The following RBFOX1 variants were observed in gnomAD, a reference collection of about 807,000 sequenced individuals.
RBFOX1 encodes the protein RNA binding protein fox-1 homolog 1.
RBFOX1 carries 8 observed loss-of-function variants against 57.7 expected under a neutral mutation model. The ratio of observed to expected loss-of-function variants is 0.14; its 90% CI spans 0.08 to 0.25. RBFOX1 has a LOEUF of 0.25. RBFOX1 is among the 10% of genes least tolerant of loss of function. The probability of loss-of-function intolerance (pLI) is 1.00; values close to 1 mark genes in which losing one functional copy is unlikely to be tolerated. For synonymous variants in RBFOX1, 326 were observed against 222.4 expected (o/e 1.47, Z -4.15); for missense variants, 611 against 548.5 (o/e 1.11, Z -1.14).
chr16:7,514,290 G>A (rs968260988), intron 4 of RBFOX1, among the ~76,000 whole-genome samples: 1 of 152,088 alleles, frequency 6.6e-6, no homozygotes, highest in Non-Finnish European at 1.5e-5. Flanking sequence ...CTCATGAGTC[G>A]TTTGCTAGGT....
intron 4 of RBFOX1, among the ~76,000 whole-genome samples, chr16:7,192,342 TG>T (rs1253958739): frequency 6.6e-6 from 1 of 152,156 alleles, no homozygotes; most frequent in Non-Finnish European, 1.5e-5. Flanking sequence ...CTAAGAGAGT[TG>T]GGGTGAGAAA....
At chr16:5,707,877 G>A (rs896094842) in intron 3 of RBFOX1, among the ~76,000 whole-genome samples, 5 of 152,160 alleles carry the variant, frequency 3.3e-5, no homozygotes, top group Admixed American at 1.3e-4. Flanking sequence ...ACAGACTTGG[G>A]TTCAGTTTCC....
At chr16:6,557,024 TACATATATAC>T (rs1425451045) in intron 2 of RBFOX1, among the ~76,000 whole-genome samples, 28 of 62,882 alleles carry the variant, frequency 4.5e-4, no homozygotes, top group African/African-American at 1.3e-3. Flanking sequence ...TACATATATA[TACATATATAC>T]ACATATATAT....
intron 3 of RBFOX1, among the ~76,000 whole-genome samples, chr16:5,796,846 A>G (rs902229119): frequency 2.0e-5 from 3 of 152,134 alleles, no homozygotes; most frequent in Non-Finnish European, 4.4e-5. Context: ...GTTAACCTCT[A>G]TATGGCCCTC....
intron 4 of RBFOX1, among the ~76,000 whole-genome samples, chr16:5,917,150 G>A (rs1035494912): frequency 6.6e-6 from 1 of 152,040 alleles, no homozygotes; most frequent in Non-Finnish European, 1.5e-5. Flanking sequence ...TTAGACAACC[G>A]CTTCCTAAGC....
intron 4 of RBFOX1, among the ~76,000 whole-genome samples, chr16:7,498,874 G>A (rs747802273): frequency 1.2e-4 from 18 of 152,042 alleles, no homozygotes; most frequent in Non-Finnish European, 2.4e-4. Context: ...ATTGTCATGC[G>A]CCCCAACTTT....
chr16:6,655,239 TGGC>T (rs1214469286), intron 3 of RBFOX1, among the ~76,000 whole-genome samples: 1 of 150,714 alleles, frequency 6.6e-6, no homozygotes, highest in East Asian at 2.0e-4. Context: ...CCGGGTGTGG[TGGC>T]ACATGCCTGT....
At chr16:7,440,576 G>A (rs2098758197) in intron 4 of RBFOX1, among the ~76,000 whole-genome samples, 1 of 152,162 alleles carries the variant, frequency 6.6e-6, no homozygotes, top group Admixed American at 6.5e-5. Context: ...TAGAGATCCT[G>A]TTGTGATTTT....
intron 3 of RBFOX1, among the ~76,000 whole-genome samples, chr16:6,790,896 AT>A (rs919805252): frequency 1.3e-4 from 19 of 151,026 alleles, no homozygotes; most frequent in Non-Finnish European, 2.5e-4. Context: ...TGTGTGGTTT[AT>A]TTTTTCCTGT....
chr16:5,946,695 T>A lies in RBFOX1; in HGVS notation c.351+79360T>A, dbSNP rs938136001. Among the ~76,000 whole-genome samples, 9 of 152,166 alleles carry A rather than the reference T, an allele frequency of 5.9e-5. No homozygotes were observed. Among genetic ancestry groups the A allele is most frequent in the African/African-American group, 2.2e-4 (9 of 41,512 alleles). Reference sequence around the variant, plus strand: ...GAATCTCTGATTTATAACCAGATGGTGAGAAGGGAAGTACAGGCTTGCTCT... The same window carrying A: ...GAATCTCTGATTTATAACCAGATGGAGAGAAGGGAAGTACAGGCTTGCTCT... On this transcript the variant is annotated intron_variant, in intron 4 of 19. Transcript: ENST00000641259. The surrounding 1 kb of genome is among the most constrained non-coding windows in gnomAD (Gnocchi z 4.6).
At chr16:5,614,615 C>T (rs1034674162) in intron 3 of RBFOX1, among the ~76,000 whole-genome samples, 1 of 152,168 alleles carries the variant, frequency 6.6e-6, no homozygotes, top group African/African-American at 2.4e-5. Context: ...GACGATACAT[C>T]TCCCTGTTCA....
chr16:6,873,111 C>G (rs576434670), intron 3 of RBFOX1, among the ~76,000 whole-genome samples: 3 of 150,014 alleles, frequency 2.0e-5, no homozygotes, highest in Non-Finnish European at 4.4e-5. Flanking sequence ...ACTTGAGAAA[C>G]TTTTAGTTTC....
At chr16:7,594,883 A>G (rs1162431808) in intron 7 of RBFOX1, among the ~76,000 whole-genome samples, 1 of 152,212 alleles carries the variant, frequency 6.6e-6, no homozygotes, top group Non-Finnish European at 1.5e-5. Flanking sequence ...TGTTTGTATT[A>G]TTAATCAACT....
At chr16:6,357,130 T>C (rs1159436202) in intron 2 of RBFOX1, among the ~76,000 whole-genome samples, 3 of 152,030 alleles carry the variant, frequency 2.0e-5, no homozygotes, top group African/African-American at 7.2e-5. Flanking sequence ...TTGCGGATTT[T>C]ATTTTAGTTT....
chr16:6,943,657 A>T (rs1305283365), intron 3 of RBFOX1, among the ~76,000 whole-genome samples: 1 of 151,656 alleles, frequency 6.6e-6, no homozygotes, highest in African/African-American at 2.4e-5. Flanking sequence ...GCAGTGAGCC[A>T]AGATTGCGTC....
chr16:7,413,764 A>G (rs1479182050), intron 4 of RBFOX1, among the ~76,000 whole-genome samples: 1 of 152,124 alleles, frequency 6.6e-6, no homozygotes, highest in East Asian at 1.9e-4. Flanking sequence ...TTTAATGACA[A>G]GAGTATTTTC....
At chr16:6,118,453 G>T (rs78758291) in intron 1 of RBFOX1, among the ~76,000 whole-genome samples, 1 of 152,140 alleles carries the variant, frequency 6.6e-6, no homozygotes, top group Non-Finnish European at 1.5e-5. Context: ...ATCATAGATG[G>T]CATCTTGTTG....
At chr16:5,368,703 G>A (rs1333219206) in intron 1 of RBFOX1, among the ~76,000 whole-genome samples, 1 of 152,180 alleles carries the variant, frequency 6.6e-6, no homozygotes, top group Non-Finnish European at 1.5e-5. Flanking sequence ...AGGGGGGCAG[G>A]AGGGGCTGGC....
chr16:5,295,055 G>T (rs111593627), intron 1 of RBFOX1, among the ~76,000 whole-genome samples: 42 of 142,828 alleles, frequency 2.9e-4, no homozygotes, highest in Non-Finnish European at 5.8e-4. Flanking sequence ...GACAGAGTTG[G>T]TCCTTCCTTT....
Sources: gnomAD v4.1 joint callset for allele counts (sites outside exome capture counted in the v4.1 genomes callset) on GRCh38, gnomAD v4.1.1 for gene constraint, Gnocchi (gnomAD v3.1) non-coding constraint, MANE v1.5 for transcripts, NCBI Gene and HGNC (gene_info 2026-07-23, HGNC 2026-07-21) for gene names.